SEC24D: variants seen among roughly 807,000 people sequenced by gnomAD.
The protein encoded by SEC24D is protein transport protein Sec24D.
A neutral mutation model predicts 116.9 loss-of-function variants in SEC24D; 69 were observed. The ratio of observed to expected loss-of-function variants is 0.59; its 90% CI spans 0.49 to 0.72. SEC24D has a LOEUF of 0.72. SEC24D is among the 30% of genes least tolerant of loss of function. The pLI is 0.00. For synonymous variants in SEC24D, 405 were observed against 442.8 expected (o/e 0.91, Z 1.07); for missense variants, 1,131 against 1,264.1 (o/e 0.89, Z 1.60).
At chr4:118,818,782 G>A (rs998467058) in intron 3 of SEC24D, among the ~76,000 whole-genome samples, 8 of 151,910 alleles carry the variant, frequency 5.3e-5, no homozygotes, top group African/African-American at 1.9e-4. Context: ...AAAGAAAATG[G>A]TCTTTCCATT....
intron 21 of SEC24D, 26 bp from the exon 22 acceptor site, chr4:118,728,676 TAGTACAGTTTATAACATTTAGATAGA>T: frequency 7.4e-7 from 1 of 1,342,440 alleles, no homozygotes; most frequent in Non-Finnish European, 1.1e-6. Context: ...ATCAAAGTTT[TAGTACAGTTTATAACATTTAGATAGA>T]AGTAGCAATA....
chr4:118,799,104 T>C (rs181681346), intron 7 of SEC24D, among the ~76,000 whole-genome samples: 3 of 152,322 alleles, frequency 2.0e-5, no homozygotes, highest in African/African-American at 2.4e-5. Flanking sequence ...AGGGAGACCA[T>C]GTGGAGGCTG....
intron 4 of SEC24D, 111 bp from the exon 5 acceptor site, chr4:118,815,837 C>T (rs1488533889): frequency 8.7e-7 from 1 of 1,151,708 alleles, no homozygotes; most frequent in Non-Finnish European, 1.2e-6. Context: ...CAAGAGGACA[C>T]CCTTAGAAAC....
At chr4:118,760,080 A>G (rs1727295721) in intron 10 of SEC24D, among the ~76,000 whole-genome samples, 1 of 152,216 alleles carries the variant, frequency 6.6e-6, no homozygotes, top group Admixed American at 6.5e-5. Context: ...CAACCAGTTA[A>G]TTGTGAAGGC....
Position 118,768,165 on chromosome 4 carries a change from C to G in SEC24D, c.1180+8G>C, listed in dbSNP as rs769102051. On this transcript the variant is annotated splice_region_variant and intron_variant, in intron 9 of 22. Transcript: ENST00000280551. ...ATTTCACAAAGAGCTTTTAATGGCA[C>G]TGCTTACCATCATTCACACAGTTGC... 1 of 1,607,734 alleles carries G rather than the reference C, an allele frequency of 6.2e-7. No homozygotes were observed. The highest frequency in any genetic ancestry group is 8.5e-7 in the Non-Finnish European group (1 of 1,177,560).
intron 6 of SEC24D, among the ~76,000 whole-genome samples, chr4:118,810,106 GT>G (rs879529025): frequency 6.7e-4 from 99 of 148,480 alleles, no homozygotes; most frequent in Non-Finnish European, 1.2e-3. Context: ...GTGTGTGTGT[GT>G]GTGTGTGTGT....
intron 8 of SEC24D, among the ~76,000 whole-genome samples, chr4:118,775,823 A>C (rs1728107230): frequency 6.6e-6 from 1 of 152,226 alleles, no homozygotes; most frequent in Non-Finnish European, 1.5e-5. Flanking sequence ...TACCAATATC[A>C]TGAAGAGTTT....
At position 118,741,948 on chromosome 4, in the gene SEC24D, TAAAC is replaced by T. The variant is rs576436232; in HGVS notation, c.1996-915_1996-912del. ...GGATTCAGTTTTGCAACAACTGGAG[TAAAC>T]AAACAACTGAATGGCAGCATAGGCA... On this transcript the variant is annotated intron_variant, in intron 15 of 22. Coordinates refer to ENST00000280551, the MANE Select transcript of SEC24D (RefSeq NM_014822.4). Among the ~76,000 whole-genome samples, 69 of 152,256 alleles carry T rather than the reference TAAAC, an allele frequency of 4.5e-4. No individual in the cohort carries two copies. The South Asian group carries it at 7.2e-3, about 16-fold the overall frequency.
At chr4:118,793,866 G>A (rs146560258) in intron 8 of SEC24D, among the ~76,000 whole-genome samples, 241 of 152,336 alleles carry the variant, frequency 1.6e-3, no homozygotes, top group African/African-American at 5.5e-3. Flanking sequence ...GAGAGAGCCT[G>A]AGTAGAGAAA....
At chr4:118,734,418 G>A (rs1394918792) in intron 19 of SEC24D, among the ~76,000 whole-genome samples, 1 of 151,898 alleles carries the variant, frequency 6.6e-6, no homozygotes, top group Non-Finnish European at 1.5e-5. Context: ...TCGCCATGTT[G>A]GCCAGGCTGG....
intron 6 of SEC24D, among the ~76,000 whole-genome samples, chr4:118,814,585 TA>T (rs1170335936): frequency 6.6e-6 from 1 of 152,138 alleles, no homozygotes; most frequent in Non-Finnish European, 1.5e-5. Flanking sequence ...AACTTTACAT[TA>T]AAAAAAATTT....
chr4:118,802,482 C>T (rs1404051774), intron 7 of SEC24D, among the ~76,000 whole-genome samples: 1 of 152,134 alleles, frequency 6.6e-6, no homozygotes, highest in Admixed American at 6.5e-5. Flanking sequence ...GAATCTTGAG[C>T]TACATCCTAA....
chr4:118,749,398 G>A (rs1033905134), intron 13 of SEC24D, among the ~76,000 whole-genome samples: 1 of 152,156 alleles, frequency 6.6e-6, no homozygotes, highest in African/African-American at 2.4e-5. Context: ...TACTACTACT[G>A]ATTATATATA....
chr4:118,830,976 G>C (rs1730825437), intron 2 of SEC24D, among the ~76,000 whole-genome samples: 1 of 152,144 alleles, frequency 6.6e-6, no homozygotes, highest in African/African-American at 2.4e-5. Flanking sequence ...ACTCCAAAAA[G>C]ATTTGGGAGA....
intron 3 of SEC24D, 36 bp from the exon 4 acceptor site, chr4:118,817,448 A>G: frequency 1.3e-6 from 2 of 1,573,876 alleles, no homozygotes; most frequent in Non-Finnish European, 1.7e-6. Flanking sequence ...ACAATATCAC[A>G]GCGTCTCAAG....
At chr4:118,751,890 C>T (rs1435550798) in intron 13 of SEC24D, 106 bp downstream of exon 13, 8 of 798,964 alleles carry the variant, frequency 1.0e-5, no homozygotes, top group South Asian at 3.1e-5. Context: ...TAGTGACCCA[C>T]GTTTTAATGA....
At chr4:118,803,442 C>T (rs1729538968) in intron 7 of SEC24D, among the ~76,000 whole-genome samples, 1 of 152,170 alleles carries the variant, frequency 6.6e-6, no homozygotes. Context: ...TTGTGGGTTA[C>T]ACTTGCTCAC....
At chr4:118,792,006 G>T (rs908870507) in intron 8 of SEC24D, among the ~76,000 whole-genome samples, 1 of 149,048 alleles carries the variant, frequency 6.7e-6, no homozygotes, top group Non-Finnish European at 1.5e-5. Context: ...AGTGAGAAGC[G>T]CCTCTTCCCG....
At chr4:118,724,526 AATT>A (rs1388835944) in intron 22 of SEC24D, among the ~76,000 whole-genome samples, 4 of 152,180 alleles carry the variant, frequency 2.6e-5, no homozygotes. Context: ...TACATATAGA[AATT>A]ATATTTTAGA....
Sources: gnomAD v4.1 joint callset for allele counts (sites outside exome capture counted in the v4.1 genomes callset) on GRCh38, gnomAD v4.1.1 for gene constraint, MANE v1.5 for transcripts, NCBI Gene and HGNC (gene_info 2026-07-23, HGNC 2026-07-21) for gene names.